The following FHOD3 variants were observed in gnomAD, a reference collection of about 807,000 sequenced individuals.
The protein encoded by FHOD3 is FH1/FH2 domain-containing protein 3.
FHOD3 carries 90 observed loss-of-function variants against 173.0 expected under a neutral mutation model. The ratio of observed to expected loss-of-function variants is 0.52; its 90% confidence interval spans 0.44 to 0.62. FHOD3 has a LOEUF of 0.62. Among genes scored for constraint, FHOD3 ranks in the 20% least tolerant of loss-of-function variants. FHOD3 has a pLI of 0.00. For synonymous variants in FHOD3, 828 were observed against 823.0 expected, an observed-to-expected ratio of 1.01 and a Z score of -0.10; for missense variants, 1,945 against 2,034.7, an observed-to-expected ratio of 0.96 and a Z score of 0.85.
chr18:36,677,254 G>A (rs2037925173), intron 14 of FHOD3, among the ~76,000 whole-genome samples: 1 of 151,886 alleles, frequency 6.6e-6, no homozygotes, highest in African/African-American at 2.4e-5. Flanking sequence ...CACCTCCCAG[G>A]TTCAAGTGAT....
At chr18:36,486,074 T>A (rs2054177376) in intron 3 of FHOD3, among the ~76,000 whole-genome samples, 1 of 152,154 alleles carries the variant, frequency 6.6e-6, no homozygotes, top group African/African-American at 2.4e-5. Context: ...CACCACCACA[T>A]TTTTTGCTCA....
chr18:36,650,511 C>T (rs192218862), intron 11 of FHOD3, among the ~76,000 whole-genome samples: 1 of 152,290 alleles, frequency 6.6e-6, no homozygotes, highest in Non-Finnish European at 1.5e-5. Flanking sequence ...GAATTAGCCA[C>T]ACATTTCAGG....
chr18:36,450,215 T>C (rs2051747603), intron 3 of FHOD3, among the ~76,000 whole-genome samples: 1 of 152,228 alleles, frequency 6.6e-6, no homozygotes, highest in Non-Finnish European at 1.5e-5. Context: ...TACTGAATTG[T>C]ATTTTTCTTA....
At chr18:36,508,320 AG>A (rs1262796506) in intron 4 of FHOD3, among the ~76,000 whole-genome samples, 1 of 152,128 alleles carries the variant, frequency 6.6e-6, no homozygotes, top group African/African-American at 2.4e-5. Flanking sequence ...ATTAGCAAAA[AG>A]CACCACTAGC....
chr18:36,760,546 G>A (rs1245464576), intron 26 of FHOD3, 62 bp from the exon 27 acceptor site: 1 of 1,428,000 alleles, frequency 7.0e-7, no homozygotes, highest in African/African-American at 1.5e-5. Flanking sequence ...ACGGGTTTTA[G>A]AAGCTTGAGT....
chr18:36,430,126 A>G (rs1178746857), intron 3 of FHOD3, among the ~76,000 whole-genome samples: 1 of 152,182 alleles, frequency 6.6e-6, no homozygotes, highest in Admixed American at 6.5e-5. Context: ...ATATAGGACT[A>G]TGTCAGCCCC....
At chr18:36,767,645 A>G (rs994784950) in intron 27 of FHOD3, among the ~76,000 whole-genome samples, 10 of 152,172 alleles carry the variant, frequency 6.6e-5, no homozygotes, top group Non-Finnish European at 1.5e-5. Flanking sequence ...ATTGGAAAAC[A>G]TCATTGTTCT....
chr18:36,358,853 G>A (rs2045808422), intron 2 of FHOD3, among the ~76,000 whole-genome samples: 1 of 151,928 alleles, frequency 6.6e-6, no homozygotes. Context: ...GGCTGGTCTG[G>A]AACTCCTGGA....
chr18:36,682,570 C>T (rs1226722597), intron 15 of FHOD3, among the ~76,000 whole-genome samples: 2 of 151,938 alleles, frequency 1.3e-5, no homozygotes, highest in African/African-American at 2.4e-5. Context: ...GATTTAATAA[C>T]GTGTTTTTGT....
chr18:36,664,709 A>G (rs561174554), intron 14 of FHOD3, among the ~76,000 whole-genome samples: 1 of 149,402 alleles, frequency 6.7e-6, no homozygotes, highest in East Asian at 2.0e-4. Context: ...TCCAGTTGTC[A>G]CTTGCTACAT....
chr18:36,510,570 T>C (rs1274736804), intron 4 of FHOD3, among the ~76,000 whole-genome samples: 1 of 152,208 alleles, frequency 6.6e-6, no homozygotes, highest in Non-Finnish European at 1.5e-5. Flanking sequence ...GTTCTCACTT[T>C]TTCACCATGA....
intron 2 of FHOD3, among the ~76,000 whole-genome samples, chr18:36,362,123 C>A (rs2046654539): frequency 6.6e-6 from 1 of 152,190 alleles, no homozygotes; most frequent in Non-Finnish European, 1.5e-5. Context: ...AGAGAGCCCC[C>A]ACAGAACTCC....
intron 28 of FHOD3, among the ~76,000 whole-genome samples, chr18:36,775,808 T>A (rs533174067): frequency 6.6e-6 from 1 of 152,244 alleles, no homozygotes; most frequent in Non-Finnish European, 1.5e-5. Context: ...CCGTGAGAAC[T>A]GTCACCAGGG....
intron 3 of FHOD3, among the ~76,000 whole-genome samples, chr18:36,488,480 C>T (rs2054301347): frequency 6.6e-6 from 1 of 152,188 alleles, no homozygotes; most frequent in African/African-American, 2.4e-5. Context: ...TTAGGAAGAC[C>T]TGACAGATGA....
chr18:36,780,201 A>G lies in FHOD3; in HGVS notation c.*671A>G, dbSNP rs545521995. ...CAGATCCTTTGGGCTGTATTTTGTT[A>G]ATAGAGTGAGTAACATCAACAGTGT... On this transcript the variant is annotated 3_prime_UTR_variant, in exon 29 of 29. Coordinates refer to ENST00000590592, the MANE Select transcript of FHOD3 (RefSeq NM_001281740.3). 1.6e-6 allele frequency: 2 copies of G among 1,231,734 alleles called. No homozygotes were observed. The highest frequency in any genetic ancestry group is 4.1e-5 in the South Asian group (1 of 24,318). 76.3% of individuals were successfully genotyped at this position (1,231,734 alleles called of 1,614,324 possible).
At chr18:36,677,344 G>A (rs1418381030) in intron 14 of FHOD3, among the ~76,000 whole-genome samples, 1 of 152,042 alleles carries the variant, frequency 6.6e-6, no homozygotes, top group South Asian at 2.1e-4. Flanking sequence ...GTAGAGACAG[G>A]CTTCTCCACG....
chr18:36,595,840 GTAT>G (rs956049847), intron 7 of FHOD3, among the ~76,000 whole-genome samples: 1 of 152,090 alleles, frequency 6.6e-6, no homozygotes, highest in Non-Finnish European at 1.5e-5. Context: ...TAGGACTCAG[GTAT>G]TATTATCATC....
chr18:36,706,724 A>G (rs2039900980), intron 17 of FHOD3, among the ~76,000 whole-genome samples: 1 of 152,200 alleles, frequency 6.6e-6, no homozygotes, highest in African/African-American at 2.4e-5. Context: ...ATGGCAGCCA[A>G]CTGACCCCAT....
At chr18:36,451,357 C>T (rs1513847) in intron 3 of FHOD3, among the ~76,000 whole-genome samples, 14,099 of 152,174 alleles carry the variant, frequency 0.093, 1,782 homozygotes, top group African/African-American at 0.27. Context: ...TATAGCCTTA[C>T]GAAGCCAGTA....
Sources: gnomAD v4.1 joint callset for allele counts (sites outside exome capture counted in the v4.1 genomes callset) on GRCh38, gnomAD v4.1.1 for gene constraint, MANE v1.5 for transcripts, NCBI Gene and HGNC (gene_info 2026-07-23, HGNC 2026-07-21) for gene names.